The following C3orf20 variants were observed in gnomAD, a reference collection of about 807,000 sequenced individuals.
C3orf20 encodes family with sequence similarity 149 member C.
In C3orf20, 76 loss-of-function variants were observed where a neutral mutation model predicts 88.3. The observed-to-expected ratio is 0.86, with a 90% CI of 0.72 to 1.04. C3orf20 has a LOEUF of 1.04. C3orf20 is among the 50% of genes least tolerant of loss of function. The probability of loss-of-function intolerance (pLI) is 0.00; values close to 1 mark genes in which losing one functional copy is unlikely to be tolerated. For missense variants in C3orf20, 1,056 were observed against 1,123.3 expected (o/e 0.94, Z 0.86); for synonymous variants, 436 against 437.4 (o/e 1.00, Z 0.04).
Position 14,757,566 on chromosome 3 carries a change from G to T in C3orf20, c.2136G>T (p.Val712=). The change falls in exon 13 of 17, where the codon GTG becomes GTT. Residue 712 remains valine (V), a synonymous_variant. Coordinates refer to ENST00000253697, the MANE Select transcript of C3orf20 (RefSeq NM_032137.5). The part of the protein sequence containing the change: ...LAPRDPSQVL[V]FGIISSQNYT... ...CCCGAGACCCCAGCCAAGTGCTGGT[G>T]TTTGGGATCATCTCAAGCCAGAACT... is the stretch of plus-strand genomic sequence containing the variant. 6.2e-7 allele frequency: 1 copy of T among 1,614,094 alleles called. No individual in the cohort carries two copies. Among genetic ancestry groups the T allele is most frequent in the Middle Eastern group, 1.7e-4 (1 of 6,060 alleles).
At chr3:14,709,857 T>A (rs2033671075) in intron 7 of C3orf20, among the ~76,000 whole-genome samples, 1 of 152,218 alleles carries the variant, frequency 6.6e-6, no homozygotes, top group African/African-American at 2.4e-5. Flanking sequence ...GGCTTTGGTA[T>A]CAAGATAACC....
At chr3:14,760,110 G>C in intron 14 of C3orf20, 112 bp downstream of exon 14, 2 of 825,250 alleles carry the variant, frequency 2.4e-6, no homozygotes, top group Non-Finnish European at 4.0e-6. Context: ...GAAGGGAGGG[G>C]CTGCGGAATT....
Position 14,733,707 on chromosome 3 carries a change from T to G in C3orf20, c.1940+5019T>G, listed in dbSNP as rs200448593. 1.9e-4 allele frequency among the ~76,000 whole-genome samples: 29 copies of G among 152,128 alleles called. No individual in the cohort carries two copies. In the East Asian group the frequency reaches 4.2e-3, roughly 22 times the overall value. On this transcript the variant is annotated intron_variant, in intron 12 of 16. Transcript: ENST00000253697. The stretch of plus-strand genomic sequence containing the variant: ...ATGTTGAAGTTGGTTTTTTTTTTTT[T>G]GAAACGGAGTCTCACTCTGTTGCCA...
intron 5 of C3orf20, among the ~76,000 whole-genome samples, chr3:14,700,889 C>T (rs1351031828): frequency 6.6e-6 from 1 of 152,252 alleles, no homozygotes; most frequent in East Asian, 1.9e-4. Context: ...TATTCCACCT[C>T]ACCTGCTGAC....
At chr3:14,747,461 G>A (rs1258053621) in intron 12 of C3orf20, among the ~76,000 whole-genome samples, 1 of 152,118 alleles carries the variant, frequency 6.6e-6, no homozygotes, top group Non-Finnish European at 1.5e-5. Context: ...AGGTATTTAG[G>A]AAAGAGCAGT....
At position 14,761,701 on chromosome 3, in the gene C3orf20, G is replaced by T. The variant is rs964330747; in HGVS notation, c.2495+86G>T. On this transcript the variant is annotated intron_variant, in intron 15 of 16. Transcript: ENST00000253697. ...AGACTTGGGCTGTGAAAGGGGAACT[G>T]AGGGGAGCAGGCGGGGCTGAAGGGA... 1.6e-5 allele frequency: 23 copies of T among 1,419,300 alleles called. No individual in the cohort carries two copies. In the East Asian group the frequency reaches 5.4e-4, roughly 33 times the overall value. The allele number at this position is 1,419,300 out of a possible 1,614,324, so 87.9% of individuals were successfully genotyped here. A position where few individuals can be genotyped will look rare whatever the true frequency, so the allele number is the denominator to read the frequency against.
chr3:14,725,042 C>A lies in C3orf20; in HGVS notation c.1567-1859C>A, dbSNP rs562869745. ...GCTGATGTTGACCAAGATTGACTTG[C>A]CAAAAAAGTGTTCCGATCATAACCT... On this transcript the variant is annotated intron_variant, in intron 10 of 16. Transcript: ENST00000253697. Among the ~76,000 whole-genome samples the A allele has an allele frequency of 2.6e-5, 4 of 152,234 alleles. No individual in the cohort carries two copies. The South Asian group carries it at 8.3e-4, about 32-fold the overall frequency.
intron 12 of C3orf20, among the ~76,000 whole-genome samples, chr3:14,745,720 T>C (rs564336936): frequency 1.3e-5 from 2 of 152,350 alleles, no homozygotes; most frequent in Non-Finnish European, 2.9e-5. Context: ...ATTATACCAA[T>C]TTACATTCTC....
chr3:14,764,412 AGTT>A (rs2035643540), intron 15 of C3orf20, among the ~76,000 whole-genome samples: 1 of 152,222 alleles, frequency 6.6e-6, no homozygotes, highest in Non-Finnish European at 1.5e-5. Context: ...TTGCCATAGC[AGTT>A]GTTCCTATAA....
intron 12 of C3orf20, among the ~76,000 whole-genome samples, chr3:14,753,347 G>C (rs1450740959): frequency 1.3e-5 from 2 of 152,170 alleles, no homozygotes; most frequent in African/African-American, 2.4e-5. Flanking sequence ...GTGGGGTCAG[G>C]GGCTGGGGGA....
chr3:14,770,031 G>A (rs575841016), intron 15 of C3orf20, among the ~76,000 whole-genome samples: 3 of 152,288 alleles, frequency 2.0e-5, no homozygotes, highest in East Asian at 1.9e-4. Context: ...CAGAGTTGCT[G>A]GGACCTCCTC....
chr3:14,714,967 A>T (rs190147321), intron 8 of C3orf20, among the ~76,000 whole-genome samples: 21 of 152,262 alleles, frequency 1.4e-4, no homozygotes, highest in South Asian at 8.3e-4. Flanking sequence ...ACTTACTCTT[A>T]TGTTATAGGT....
chr3:14,740,147 C>T (rs1446099581), intron 12 of C3orf20, among the ~76,000 whole-genome samples: 1 of 152,200 alleles, frequency 6.6e-6, no homozygotes, highest in Non-Finnish European at 1.5e-5. Flanking sequence ...TTTCAGCTTG[C>T]CTTCCTCACT....
intron 12 of C3orf20, among the ~76,000 whole-genome samples, chr3:14,756,771 G>A (rs949398555): frequency 2.6e-5 from 4 of 152,212 alleles, no homozygotes; most frequent in Non-Finnish European, 4.4e-5. Context: ...GAAATGCAGG[G>A]GGCAGATTCT....
chr3:14,767,776 T>C (rs76555126), intron 15 of C3orf20, among the ~76,000 whole-genome samples: 6,243 of 152,352 alleles, frequency 0.041, 435 homozygotes, highest in African/African-American at 0.14. Flanking sequence ...AAGCATCTTC[T>C]ACACTGCTGT....
chr3:14,765,995 T>C (rs2035691641), intron 15 of C3orf20, among the ~76,000 whole-genome samples: 1 of 152,170 alleles, frequency 6.6e-6, no homozygotes, highest in South Asian at 2.1e-4. Context: ...GGTGAGGGCC[T>C]GCCAGGCCAA....
chr3:14,692,819 T>C (rs1014277297), intron 5 of C3orf20, among the ~76,000 whole-genome samples: 1 of 152,240 alleles, frequency 6.6e-6, no homozygotes, highest in Non-Finnish European at 1.5e-5. Context: ...TCCAACGTCC[T>C]GGAGAGTTTC....
chr3:14,758,926 G>A (rs562827235), intron 13 of C3orf20, among the ~76,000 whole-genome samples: 10 of 152,314 alleles, frequency 6.6e-5, no homozygotes, highest in South Asian at 2.1e-4. Context: ...CTGTGTGTCC[G>A]TCCATGTAGA....
In C3orf20 at chr3:14,682,923, G is replaced by C; in HGVS notation, c.210G>C (p.Glu70Asp). The change falls in exon 3 of 17, where the codon GAG becomes GAC. Residue 70 changes from glutamate (E) to aspartate (D), a missense_variant. Transcript: ENST00000253697. Reference protein sequence around the residue: ...VPTPSDILGLEVSFGAPLVVL... With the variant: ...VPTPSDILGLDVSFGAPLVVL... ...CCCCGTCCGACATCTTGGGCCTGGAGGTCAGCTTTGGAGCCCCCCTGGTGG... is the reference window on the plus strand; with the variant it reads ...CCCCGTCCGACATCTTGGGCCTGGACGTCAGCTTTGGAGCCCCCCTGGTGG... 1 of 1,614,162 alleles carries C rather than the reference G, an allele frequency of 6.2e-7. No homozygotes were observed. Among genetic ancestry groups the C allele is most frequent in the Non-Finnish European group, 8.5e-7 (1 of 1,180,024 alleles).
Sources: allele counts gnomAD v4.1 joint callset (sites outside exome capture counted in the v4.1 genomes callset), GRCh38; gene constraint gnomAD v4.1.1; transcripts MANE v1.5; gene names NCBI Gene and HGNC (gene_info 2026-07-23, HGNC 2026-07-21).